FNDC1: variants seen among roughly 807,000 people sequenced by gnomAD.
The protein encoded by FNDC1 is fibronectin type III domain containing 1, also known as fibronectin type III domain-containing protein 1.
Under a neutral mutation model 168.0 loss-of-function variants are expected in FNDC1, and 96 were observed. That is an observed-to-expected ratio of 0.57 (90% confidence interval 0.48 to 0.68). The LOEUF is 0.68. Ranked by LOEUF, FNDC1 falls within the 30% of genes least tolerant of loss-of-function variation. The pLI, the probability that FNDC1 is intolerant of heterozygous loss-of-function variation, is 0.00. For missense variants in FNDC1, 2,587 were observed against 2,482.1 expected (o/e 1.04, Z -0.90); for synonymous variants, 1,099 against 1,025.9 (o/e 1.07, Z -1.36).
intron 21 of FNDC1, 95 bp from the exon 22 acceptor site, chr6:159,267,709 A>C: frequency 7.5e-7 from 1 of 1,334,194 alleles, no homozygotes; most frequent in Non-Finnish European, 1.0e-6. Context: ...TAATATGCTG[A>C]ATTCAAACAG....
At chr6:159,189,302 T>C (rs925139194) in intron 1 of FNDC1, among the ~76,000 whole-genome samples, 2 of 152,124 alleles carry the variant, frequency 1.3e-5, no homozygotes, top group Non-Finnish European at 2.9e-5. Context: ...TCACCAGCAA[T>C]GTCAGGATTC....
rs546374596 is a variant in FNDC1, at chr6:159,195,651, G to A, written c.110-1780G>A. Among the ~76,000 whole-genome samples the A allele has an allele frequency of 1.1e-4, 17 of 152,264 alleles. 1 individual carries two copies. The highest frequency in any genetic ancestry group is 1.0e-3 in the South Asian group (5 of 4,818). On this transcript the variant is annotated intron_variant, in intron 1 of 22. Coordinates refer to ENST00000297267, the MANE Select transcript of FNDC1 (RefSeq NM_032532.3). ...TTCTGTGCTGTGTCCAACGACAAAT[G>A]CAAGGTATCGCAGAGAAGAACAATG...
In FNDC1 at chr6:159,233,033, C is replaced by T; in HGVS notation, c.2521C>T (p.Pro841Ser). ...SPSRFSIGRG[P>S]RLQPSSSPQS... Reference sequence around the variant, plus strand: ...AAGCAGGTTCAGCATTGGGCGGGGACCTCGGCTGCAGCCCTCCAGCTCCCC... The same window carrying T: ...AAGCAGGTTCAGCATTGGGCGGGGATCTCGGCTGCAGCCCTCCAGCTCCCC... The change falls in exon 11 of 23, where the codon CCT becomes TCT. Residue 841 changes from proline to serine, a missense_variant. Transcript: ENST00000297267. This position sits in a 1 kb window ranked among gnomAD's most constrained non-coding sequence, Gnocchi z 4.6. 6.2e-7 allele frequency: 1 copy of T among 1,612,100 alleles called. No homozygotes were observed. Among genetic ancestry groups the T allele is most frequent in the Non-Finnish European group, 8.5e-7 (1 of 1,179,236 alleles).
intron 14 of FNDC1, among the ~76,000 whole-genome samples, chr6:159,242,710 C>A (rs183641842): frequency 4.5e-4 from 68 of 152,316 alleles, no homozygotes; most frequent in Non-Finnish European, 7.3e-4. Flanking sequence ...TCCCTCCTCC[C>A]AACCCATGGA....
At chr6:159,214,752 G>A (rs1029373982) in intron 4 of FNDC1, among the ~76,000 whole-genome samples, 193 bp from the exon 5 acceptor site, 3 of 152,208 alleles carry the variant, frequency 2.0e-5, no homozygotes, top group Admixed American at 6.5e-5. Context: ...TATGAAATGT[G>A]GGGAGGAATA....
Position 159,233,529 on chromosome 6 carries a change from C to T in FNDC1, c.3017C>T (p.Pro1006Leu). The change falls in exon 11 of 23, where the codon CCC (proline) becomes CTC (leucine). Residue 1006 changes from proline (P) to leucine (L), a missense_variant. Pro to Leu is a moderately conservative substitution (Grantham distance 98). Coordinates refer to ENST00000297267, the MANE Select transcript of FNDC1 (RefSeq NM_032532.3). The surrounding 1 kb of genome is among the most constrained non-coding windows in gnomAD (Gnocchi z 4.6). ...MTPGRAPQQQ[P>L]PPPVATSQHH... Reference sequence around the variant, plus strand: ...CCCGGCCGGGCCCCACAACAGCAGCCCCCTCCTCCCGTCGCCACGTCCCAG... The same window carrying T: ...CCCGGCCGGGCCCCACAACAGCAGCTCCCTCCTCCCGTCGCCACGTCCCAG... The T allele has an allele frequency of 6.3e-7, 1 of 1,597,910 alleles. No individual in the cohort carries two copies. The highest frequency in any genetic ancestry group is 8.5e-7 in the Non-Finnish European group (1 of 1,175,666).
intron 14 of FNDC1, 128 bp downstream of exon 14, chr6:159,240,085 T>C: frequency 1.2e-6 from 1 of 844,636 alleles, no homozygotes; most frequent in Non-Finnish European, 1.7e-6. Flanking sequence ...CCCGATGCAT[T>C]TTTGGTCCCA....
intron 1 of FNDC1, among the ~76,000 whole-genome samples, chr6:159,179,516 T>G (rs1377316571): frequency 6.6e-6 from 1 of 152,184 alleles, no homozygotes; most frequent in Non-Finnish European, 1.5e-5. Context: ...CTTCAGGTTC[T>G]TTGTGCAACA....
At chr6:159,214,635 G>T (rs1361268802) in intron 4 of FNDC1, among the ~76,000 whole-genome samples, 3 of 152,124 alleles carry the variant, frequency 2.0e-5, no homozygotes, top group Non-Finnish European at 2.9e-5. Flanking sequence ...TGGCCTAAAG[G>T]GGACAAAAGG....
chr6:159,245,485 A>T (rs889819753), intron 14 of FNDC1, among the ~76,000 whole-genome samples: 10 of 149,614 alleles, frequency 6.7e-5, no homozygotes, highest in African/African-American at 2.4e-4. Flanking sequence ...AATTCCTACA[A>T]TTTTTTTTTT....
intron 22 of FNDC1, among the ~76,000 whole-genome samples, chr6:159,269,309 CT>C (rs1158699565): frequency 1.1e-5 from 1 of 87,300 alleles, no homozygotes; most frequent in Non-Finnish European, 2.9e-5. Context: ...TCCATCTATC[CT>C]ATCTATTTAT....
intron 13 of FNDC1, 56 bp from the exon 14 acceptor site, chr6:159,239,461 T>A: frequency 6.9e-7 from 1 of 1,450,704 alleles, no homozygotes; most frequent in Non-Finnish European, 9.2e-7. Context: ...GCTTGCTTTT[T>A]ATTTTCTCTG....
intron 12 of FNDC1, 78 bp from the exon 13 acceptor site, chr6:159,238,476 G>A: frequency 1.1e-6 from 1 of 896,258 alleles, no homozygotes; most frequent in Non-Finnish European, 1.8e-6. Context: ...AGCTTCAGGG[G>A]TATATACATA....
Position 159,233,616 on chromosome 6 carries a change from T to C in FNDC1, c.3104T>C (p.Leu1035Pro). 1 of 1,571,922 alleles carries C rather than the reference T, an allele frequency of 6.4e-7. No homozygotes were observed. Residue 1035 changes from leucine (L) to proline (P), a missense_variant, in exon 11 of 23, where the codon CTG becomes CCG. Leu to Pro is a moderately conservative substitution (Grantham distance 98). Coordinates refer to ENST00000297267, the MANE Select transcript of FNDC1 (RefSeq NM_032532.3). The surrounding 1 kb of genome is among the most constrained non-coding windows in gnomAD (Gnocchi z 4.6). Reference sequence around the variant, plus strand: ...TCACCTTCCCAGCCCAGGCTCTCACTGACCCAGGCCGGGCGGCCCCGCCCC... The same window carrying C: ...TCACCTTCCCAGCCCAGGCTCTCACCGACCCAGGCCGGGCGGCCCCGCCCC... ...GRSPSQPRLS[L>P]TQAGRPRPTS...
intron 1 of FNDC1, among the ~76,000 whole-genome samples, chr6:159,193,618 A>G (rs1242890379): frequency 1.3e-5 from 2 of 152,200 alleles, no homozygotes; most frequent in African/African-American, 4.8e-5. Flanking sequence ...TGGGCTCAGC[A>G]TGTCAGCAAC....
intron 1 of FNDC1, among the ~76,000 whole-genome samples, chr6:159,178,895 C>G (rs557428272): frequency 1.3e-5 from 2 of 152,052 alleles, no homozygotes; most frequent in Non-Finnish European, 2.9e-5. Context: ...CCGCAACATT[C>G]CAGTCTCAGG....
Position 159,234,225 on chromosome 6 carries a change from C to T in FNDC1, c.3713C>T (p.Ala1238Val). The change falls in exon 11 of 23, where the codon GCT (alanine) becomes GTT (valine). Residue 1238 changes from alanine to valine, a missense_variant. Physicochemically the swap from Ala to Val is moderately conservative, Grantham distance 64. Transcript: ENST00000297267. ...CTTGCCCCTCGCGGAGGGAGCCTGG[C>T]TCCTGTGAAGCGACCTCTCCCCCCA... is the stretch of plus-strand genomic sequence containing the variant. ...IALAPRGGSL[A>V]PVKRPLPPPP... 10 of 1,593,782 alleles carry T rather than the reference C, an allele frequency of 6.3e-6. No individual in the cohort carries two copies. The highest frequency in any genetic ancestry group is 7.7e-6 in the Non-Finnish European group (9 of 1,170,130).
At chr6:159,248,607 A>G (rs533211347) in intron 15 of FNDC1, among the ~76,000 whole-genome samples, 3 of 152,252 alleles carry the variant, frequency 2.0e-5, no homozygotes, top group African/African-American at 4.8e-5. Flanking sequence ...CCTGGCCAAA[A>G]AAAAATTTTT....
At chr6:159,234,506 C>CT in intron 11 of FNDC1, 27 bp downstream of exon 11, 4 of 1,608,312 alleles carry the variant, frequency 2.5e-6, no homozygotes, top group African/African-American at 1.3e-5. Flanking sequence ...AACAGTCTTT[C>CT]TTTAAGGTGT....
Sources: gnomAD v4.1 joint callset for allele counts (sites outside exome capture counted in the v4.1 genomes callset) on GRCh38, gnomAD v4.1.1 for gene constraint, Gnocchi (gnomAD v3.1) non-coding constraint, MANE v1.5 for transcripts, NCBI Gene and HGNC (gene_info 2026-07-23, HGNC 2026-07-21) for gene names.